CTXND2: variants seen among roughly 807,000 people sequenced by gnomAD.
CTXND2 encodes cortexin domain containing 2.
At chr1:150,889,399 CA>C (rs377253666) in intron 1 of CTXND2, among the ~76,000 whole-genome samples, 9,613 of 76,140 alleles carry the variant, frequency 0.13, 971 homozygotes, top group African/African-American at 0.35. Flanking sequence ...GACTCTGTCT[CA>C]AAAAAAAAAA....
At chr1:150,897,003 A>G (rs1177968032) in intron 1 of CTXND2, among the ~76,000 whole-genome samples, 1 of 152,170 alleles carries the variant, frequency 6.6e-6, no homozygotes, top group African/African-American at 2.4e-5. Context: ...TTGAAAGCAA[A>G]GGGGAAGAGA....
chr1:150,907,592 C>G lies in CTXND2; in HGVS notation c.-73-4650C>G, dbSNP rs954650899. Among the ~76,000 whole-genome samples, 6 of 151,846 alleles carry G rather than the reference C, an allele frequency of 4.0e-5. No homozygotes were observed. The South Asian group carries it at 1.0e-3, about 26-fold the overall frequency. ...CATTTGAGTTGTTTCTACCTTTTGG[C>G]TATGATGAATAATGCTGCTACAAAC... On this transcript the variant is annotated intron_variant, in intron 1 of 1. Coordinates refer to ENST00000636087, the Ensembl canonical transcript of CTXND2.
chr1:150,904,336 G>A (rs935475638), intron 1 of CTXND2: 12 of 354,740 alleles, frequency 3.4e-5, no homozygotes, highest in African/African-American at 1.5e-4. Context: ...ATATTTTGTC[G>A]GACAGTCCTG....
chr1:150,892,464 A>G (rs1344389895), intron 1 of CTXND2, among the ~76,000 whole-genome samples: 3 of 150,548 alleles, frequency 2.0e-5, no homozygotes, highest in South Asian at 4.2e-4. Context: ...ATAAACCTTG[A>G]TTGCTGATAA....
intron 1 of CTXND2, among the ~76,000 whole-genome samples, chr1:150,897,198 C>A (rs1243460958): frequency 2.0e-5 from 3 of 152,166 alleles, no homozygotes; most frequent in African/African-American, 7.2e-5. Context: ...TATTAAAGAT[C>A]ACTTTGTAGT....
At chr1:150,900,986 C>T (rs1248915140) in intron 1 of CTXND2, among the ~76,000 whole-genome samples, 1 of 152,116 alleles carries the variant, frequency 6.6e-6, no homozygotes, top group Non-Finnish European at 1.5e-5. Flanking sequence ...GTGGCATGCA[C>T]CTGTAGTCCC....
intron 1 of CTXND2, chr1:150,903,998 G>C (rs1320650890): frequency 1.5e-6 from 1 of 647,672 alleles, no homozygotes; most frequent in Non-Finnish European, 2.9e-6. Flanking sequence ...TAATCTCCAT[G>C]GTCTCTTCAG....
At chr1:150,905,546 T>A (rs1221983651) in intron 1 of CTXND2, among the ~76,000 whole-genome samples, 1 of 152,162 alleles carries the variant, frequency 6.6e-6, no homozygotes, top group Non-Finnish European at 1.5e-5. Flanking sequence ...TGCCCCAGAA[T>A]TGTGGTCAAG....
chr1:150,906,251 A>G (rs1343439983), intron 1 of CTXND2, among the ~76,000 whole-genome samples: 1 of 152,040 alleles, frequency 6.6e-6, no homozygotes, highest in African/African-American at 2.4e-5. Flanking sequence ...TTGAGCTATG[A>G]CCATGCCACT....
chr1:150,888,358 C>T (rs587712005), intron 1 of CTXND2, among the ~76,000 whole-genome samples: 11 of 151,574 alleles, frequency 7.3e-5, no homozygotes, highest in African/African-American at 1.9e-4. Context: ...GGACTACAGG[C>T]GTGCACCACC....
intron 1 of CTXND2, among the ~76,000 whole-genome samples, chr1:150,909,235 C>CT (rs1229226126): frequency 9.1e-6 from 1 of 109,844 alleles, no homozygotes; most frequent in Non-Finnish European, 1.8e-5. Flanking sequence ...AAGACTCCTT[C>CT]TCAAAAAAAA....
At chr1:150,906,232 G>A (rs867581614) in intron 1 of CTXND2, among the ~76,000 whole-genome samples, 26 of 152,152 alleles carry the variant, frequency 1.7e-4, no homozygotes, top group African/African-American at 6.0e-4. Context: ...CCAGGAGGTT[G>A]AGGCTGCATT....
chr1:150,899,206 C>T (rs1668959679), intron 1 of CTXND2, among the ~76,000 whole-genome samples: 1 of 152,014 alleles, frequency 6.6e-6, no homozygotes, highest in Non-Finnish European at 1.5e-5. Flanking sequence ...CTTGGGAGGG[C>T]TAGGTGAGAG....
At chr1:150,891,956 T>C (rs1405670045) in intron 1 of CTXND2, among the ~76,000 whole-genome samples, 11 of 152,156 alleles carry the variant, frequency 7.2e-5, no homozygotes, top group Non-Finnish European at 1.5e-4. Context: ...TATTTTTCTC[T>C]TTAACTTTAT....
At chr1:150,911,035 A>G (rs918778556) in intron 1 of CTXND2, among the ~76,000 whole-genome samples, 1 of 151,358 alleles carries the variant, frequency 6.6e-6, no homozygotes, top group Non-Finnish European at 1.5e-5. Context: ...CGATCTCCTG[A>G]CCTCATAATC....
At chr1:150,903,773 C>G in intron 1 of CTXND2, 1 of 372,082 alleles carries the variant, frequency 2.7e-6, no homozygotes, top group Non-Finnish European at 5.2e-6. Flanking sequence ...TGCCCTCCAG[C>G]CTGAGCGACA....
chr1:150,896,917 T>A (rs767480922), intron 1 of CTXND2, among the ~76,000 whole-genome samples: 22 of 152,000 alleles, frequency 1.4e-4, no homozygotes, highest in Non-Finnish European at 2.8e-4. Context: ...CCCTAGAAAA[T>A]TTATATTTAA....
At chr1:150,895,049 A>G (rs1228321050) in intron 1 of CTXND2, among the ~76,000 whole-genome samples, 3 of 151,470 alleles carry the variant, frequency 2.0e-5, no homozygotes, top group Admixed American at 6.6e-5. Flanking sequence ...AAACATATAT[A>G]TATACATATA....
chr1:150,904,315 T>C, intron 1 of CTXND2: 1 of 377,840 alleles, frequency 2.6e-6, no homozygotes, highest in Non-Finnish European at 5.2e-6. Flanking sequence ...AGATCATGAA[T>C]GACTGACAGA....
Sources: gnomAD v4.1 joint callset for allele counts (sites outside exome capture counted in the v4.1 genomes callset) on GRCh38, gnomAD v4.1.1 for gene constraint, MANE v1.5 for transcripts, NCBI Gene and HGNC (gene_info 2026-07-23, HGNC 2026-07-21) for gene names.